Variants in ITPR3 observed in about 807,000 individuals in gnomAD.
ITPR3 encodes the protein inositol 1,4,5-trisphosphate-gated calcium channel ITPR3.
A neutral mutation model predicts 293.2 loss-of-function variants in ITPR3; 173 were observed. The observed-to-expected ratio is 0.59, with a 90% CI of 0.52 to 0.67. The LOEUF (loss-of-function observed/expected upper bound fraction) is 0.67, where lower values mean the gene tolerates loss of function less well. ITPR3 is among the 30% of genes least tolerant of loss of function. ITPR3 has a pLI of 0.00. For missense variants in ITPR3, 2,796 were observed against 3,592.1 expected, an observed-to-expected ratio of 0.78 and a Z score of 5.66; for synonymous variants, 1,295 against 1,444.4, an observed-to-expected ratio of 0.90 and a Z score of 2.35.
rs1561882691 is a variant in ITPR3, at chr6:33,689,361, T to TCTA, written c.6822_6824dup (p.Tyr2275dup). 1 of 1,612,258 alleles carries TCTA rather than the reference T, an allele frequency of 6.2e-7. No individual in the cohort carries two copies. The highest frequency in any genetic ancestry group is 8.5e-7 in the Non-Finnish European group (1 of 1,180,028). On this transcript the variant is annotated inframe_insertion, in exon 50 of 58. Transcript: ENST00000605930. ...ATCGTGGCGCTCATCCTGCGCTCCA[T>TCTA]CTACTATCTGGGCATCGGGCCCACA...
chr6:33,663,991 C>T lies in ITPR3; in HGVS notation c.1148+111C>T, dbSNP rs1049665444. 29 of 1,340,394 alleles carry T rather than the reference C, an allele frequency of 2.2e-5. No homozygotes were observed. In the South Asian group the frequency reaches 3.5e-4, roughly 16 times the overall value. 83.0% of individuals were successfully genotyped at this position (1,340,394 alleles called of 1,614,324 possible). A position where few individuals can be genotyped will look rare whatever the true frequency, so the allele number is the denominator to read the frequency against. On this transcript the variant is annotated intron_variant, in intron 11 of 57. Coordinates refer to ENST00000605930, the MANE Select transcript of ITPR3 (RefSeq NM_002224.4). ...CCTCCGCCCTCCTGCGGTCCTTTAG[C>T]CTCTGGGGTCTCTGTAGGTCCCATC...
intron 1 of ITPR3, among the ~76,000 whole-genome samples, chr6:33,630,746 A>G (rs1423782866): frequency 6.6e-6 from 1 of 152,068 alleles, no homozygotes; most frequent in African/African-American, 2.4e-5. Context: ...CTTCCTGGAG[A>G]GACTATTTGG....
chr6:33,668,007 C>T, intron 16 of ITPR3, 43 bp downstream of exon 16: 1 of 1,602,488 alleles, frequency 6.2e-7, no homozygotes, highest in Non-Finnish European at 8.5e-7. Context: ...GCTCCTCCCT[C>T]CTCCCTTGCC....
At chr6:33,681,487 G>A (rs185859120) in intron 33 of ITPR3, among the ~76,000 whole-genome samples, 2 of 152,312 alleles carry the variant, frequency 1.3e-5, no homozygotes, top group Admixed American at 6.5e-5. Context: ...TTTGAATCTC[G>A]AAAGATTCAT....
chr6:33,631,608 A>C (rs1004662606), intron 1 of ITPR3, among the ~76,000 whole-genome samples: 1 of 152,204 alleles, frequency 6.6e-6, no homozygotes, highest in Non-Finnish European at 1.5e-5. Context: ...AAGGAGTGGG[A>C]CCATTGAAGC....
Position 33,671,194 on chromosome 6 carries a change from C to T in ITPR3, c.2616C>T (p.Tyr872=), listed in dbSNP as rs1163222308. Residue 872 remains tyrosine (Y), a synonymous_variant, in exon 21 of 58, where the codon TAC becomes TAT. Transcript: ENST00000605930. ...TCAGCCTGGCGCACAATCTCATCTA[C>T]TTCGGCTTCTACAGCTTCAGCGAGC... ...EVVSLAHNLI[Y]FGFYSFSELL... 6.2e-7 allele frequency: 1 copy of T among 1,613,806 alleles called. No homozygotes were observed. The highest frequency in any genetic ancestry group is 8.5e-7 in the Non-Finnish European group (1 of 1,179,956).
Position 33,687,542 on chromosome 6 carries a change from A to C in ITPR3, c.6242A>C (p.Glu2081Ala), listed in dbSNP as rs140217812. Residue 2081 changes from glutamate (E) to alanine (A), a missense_variant, in exon 46 of 58, where the codon GAG becomes GCG. Coordinates refer to ENST00000605930, the MANE Select transcript of ITPR3 (RefSeq NM_002224.4). This position sits in a 1 kb window ranked among gnomAD's most constrained non-coding sequence, Gnocchi z 5.3. ...CCGGTGAAGCGCATTCAAGAGGAGGAGGCCGAGGGTATCTCTTCCATGGTG... is the reference window on the plus strand; with the variant it reads ...CCGGTGAAGCGCATTCAAGAGGAGGCGGCCGAGGGTATCTCTTCCATGGTG... The part of the protein sequence containing the change: ...LKPVKRIQEE[E>A]AEGISSMLSL... 134 of 1,602,290 alleles carry C rather than the reference A, an allele frequency of 8.4e-5. No homozygotes were observed. The highest frequency in any genetic ancestry group is 1.8e-4 in the Middle Eastern group (1 of 5,696).
In ITPR3 at chr6:33,688,239, A is replaced by G. The variant is rs1030258873; in HGVS notation, c.6376A>G (p.Ile2126Val). ...GTGACCATGTGCTGTGTGTGCTCAG[A>G]TTGTGCGGCAGGACCGCAGCATGGA... ...YYENHTSQIEIVRQDRSMEQI... is the reference protein window; with the variant it reads ...YYENHTSQIEVVRQDRSMEQI... The change falls in exon 48 of 58, where the codon ATT (isoleucine) becomes GTT (valine). Residue 2126 changes from isoleucine to valine, a missense_variant and splice_region_variant. By Grantham distance (29) the Ile-to-Val change is conservative (BLOSUM62 3). This residue lies in a region of ITPR3 where 568 missense variants were observed against 796.1 expected (regional missense o/e 0.71). Coordinates refer to ENST00000605930, the MANE Select transcript of ITPR3 (RefSeq NM_002224.4). The G allele has an allele frequency of 1.9e-6, 3 of 1,614,182 alleles. No individual in the cohort carries two copies. Among genetic ancestry groups the G allele is most frequent in the Admixed American group, 1.7e-5 (1 of 60,028 alleles).
At chr6:33,623,674 TTGTGCAGG>T (rs1561845904) in intron 1 of ITPR3, among the ~76,000 whole-genome samples, 1 of 152,164 alleles carries the variant, frequency 6.6e-6, no homozygotes, top group African/African-American at 2.4e-5. Flanking sequence ...TCCCCTGCCC[TTGTGCAGG>T]CCTCACTCCC....
intron 1 of ITPR3, among the ~76,000 whole-genome samples, chr6:33,635,762 A>G (rs1423394729): frequency 6.6e-6 from 1 of 151,388 alleles, no homozygotes; most frequent in Non-Finnish European, 1.5e-5. Context: ...GGTTCTGGGC[A>G]GAGGAAGGAG....
At position 33,640,552 on chromosome 6, in the gene ITPR3, G is replaced by A. The variant is rs767208304; in HGVS notation, c.158G>A (p.Arg53His). The A allele has an allele frequency of 7.4e-6, 12 of 1,612,126 alleles. No individual in the cohort carries two copies. The highest frequency in any genetic ancestry group is 5.0e-5 in the Admixed American group (3 of 59,726). Residue 53 changes from arginine to histidine, a missense_variant and splice_region_variant, in exon 2 of 58, where the codon CGT (arginine) becomes CAT (histidine). Physicochemically the swap from Arg to His is conservative, Grantham distance 29. Transcript: ENST00000605930. ...GDLDNPPKKF[R>H]DCLFKVCPMN... The stretch of plus-strand genomic sequence containing the variant: ...CTGGACAACCCCCCTAAGAAGTTCC[G>A]TGGTAAGACCTCCGCTTCCTCTGCC...
rs1449725258 is a variant in ITPR3, at chr6:33,678,532, C to G, written c.3760C>G (p.Leu1254Val). The change falls in exon 29 of 58, where the codon CTC becomes GTC. Residue 1254 changes from leucine (L) to valine (V), a missense_variant. By Grantham distance (32) the Leu-to-Val change is conservative. Coordinates refer to ENST00000605930, the MANE Select transcript of ITPR3 (RefSeq NM_002224.4). ...GCTGCACAAACACCTGCACCTCTTC[C>G]TCACGCCAGGGGTGAGGGTGCAGGG... ...ALLHKHLHLF[L>V]TPGLLEAETM... 1.2e-6 allele frequency: 2 copies of G among 1,612,350 alleles called. No individual in the cohort carries two copies. Among genetic ancestry groups the G allele is most frequent in the Non-Finnish European group, 1.7e-6 (2 of 1,179,626 alleles).
rs1046110020 is a variant in ITPR3 at position 33,632,275 on chromosome 6, C to T, written c.90-8209C>T. 5.9e-5 allele frequency among the ~76,000 whole-genome samples: 9 copies of T among 152,158 alleles called. No individual in the cohort carries two copies. The highest frequency in any genetic ancestry group is 9.7e-5 in the African/African-American group (4 of 41,432). ...GTTCAGGGTCCCTCGGGGATTTCCC[C>T]AGTCTGTCATTCCCCCAGTCTGTCA... On this transcript the variant is annotated intron_variant, in intron 1 of 57. Transcript: ENST00000605930. The surrounding 1 kb of genome is among the most constrained non-coding windows in gnomAD (Gnocchi z 4.1).
chr6:33,676,176 G>A (rs997138668), intron 25 of ITPR3, among the ~76,000 whole-genome samples: 5 of 152,242 alleles, frequency 3.3e-5, no homozygotes, highest in Non-Finnish European at 5.9e-5. Flanking sequence ...ACGCAGTCCC[G>A]ACAGCTCCCT....
intron 1 of ITPR3, among the ~76,000 whole-genome samples, chr6:33,636,176 C>A (rs1187863240): frequency 6.7e-6 from 1 of 150,308 alleles, no homozygotes; most frequent in African/African-American, 2.5e-5. Flanking sequence ...GTGGCAGGCA[C>A]CTGTAATCCC....
At position 33,658,738 on chromosome 6, in the gene ITPR3, CGCCATGCG is replaced by C. The variant is rs1764376659; in HGVS notation, c.440_447del (p.Ala147GlyfsTer106). Reference sequence around the variant, plus strand: ...GGCTTCCGGCCTTGCTGGAGAAGAACGCCATGCGGGTGACTCTGGATGCCACAGGCAAC... The same window carrying C: ...GGCTTCCGGCCTTGCTGGAGAAGAACGGTGACTCTGGATGCCACAGGCAAC... On this transcript the variant is annotated frameshift_variant, in exon 5 of 58. Coordinates refer to ENST00000605930, the MANE Select transcript of ITPR3 (RefSeq NM_002224.4). LOFTEE classifies it high-confidence loss of function. The surrounding 1 kb of genome is among the most constrained non-coding windows in gnomAD (Gnocchi z 6.1). 3 of 1,614,198 alleles carry C rather than the reference CGCCATGCG, an allele frequency of 1.9e-6. No individual in the cohort carries two copies. The East Asian group carries it at 6.7e-5, about 36-fold the overall frequency.
Position 33,675,926 on chromosome 6 carries a change from G to C in ITPR3, c.3282+70G>C. 1 of 1,448,880 alleles carries C rather than the reference G, an allele frequency of 6.9e-7. No homozygotes were observed. The highest frequency in any genetic ancestry group is 9.2e-7 in the Non-Finnish European group (1 of 1,091,964). 89.8% of individuals were successfully genotyped at this position (1,448,880 alleles called of 1,614,324 possible). A position where few individuals can be genotyped will look rare whatever the true frequency, so the allele number is the denominator to read the frequency against. On this transcript the variant is annotated intron_variant, in intron 25 of 57. Coordinates refer to ENST00000605930, the MANE Select transcript of ITPR3 (RefSeq NM_002224.4). The surrounding 1 kb of genome is among the most constrained non-coding windows in gnomAD (Gnocchi z 5.0). Reference sequence around the variant, plus strand: ...CAGGCACGGGGGGACAGTAAACGATGATTGAGGAGCTCACAGCTCAAGGGG... The same window carrying C: ...CAGGCACGGGGGGACAGTAAACGATCATTGAGGAGCTCACAGCTCAAGGGG...
chr6:33,621,748 G>T lies in ITPR3; in HGVS notation c.89+57G>T. 2 of 1,353,274 alleles carry T rather than the reference G, an allele frequency of 1.5e-6. No homozygotes were observed. Among genetic ancestry groups the T allele is most frequent in the Non-Finnish European group, 2.1e-6 (2 of 966,942 alleles). 83.8% of individuals were successfully genotyped at this position (1,353,274 alleles called of 1,614,324 possible). A position where few individuals can be genotyped will look rare whatever the true frequency, so the allele number is the denominator to read the frequency against. On this transcript the variant is annotated intron_variant, in intron 1 of 57. Coordinates refer to ENST00000605930, the MANE Select transcript of ITPR3 (RefSeq NM_002224.4). The surrounding 1 kb of genome is among the most constrained non-coding windows in gnomAD (Gnocchi z 7.7). Reference sequence around the variant, plus strand: ...TAAAGAGGGGGCGCCGTGGGCCCTGGTGCCAGCTGCGTGCGTCCAGCCGCC... The same window carrying T: ...TAAAGAGGGGGCGCCGTGGGCCCTGTTGCCAGCTGCGTGCGTCCAGCCGCC...
chr6:33,691,575 G>C lies in ITPR3; in HGVS notation c.7226-40G>C. 6.5e-7 allele frequency: 1 copy of C among 1,549,354 alleles called. No individual in the cohort carries two copies. Among genetic ancestry groups the C allele is most frequent in the Non-Finnish European group, 8.9e-7 (1 of 1,123,202 alleles). ...GGACAGAGCCAGGGGATAAGGCCAG[G>C]CACTGGACCTCCTGATGATCTCATC... On this transcript the variant is annotated intron_variant, in intron 52 of 57. Transcript: ENST00000605930. The surrounding 1 kb of genome is among the most constrained non-coding windows in gnomAD (Gnocchi z 4.9).
Sources: gnomAD v4.1 joint callset for allele counts (sites outside exome capture counted in the v4.1 genomes callset) on GRCh38, gnomAD v4.1.1 for gene constraint, gnomAD v4.1.1 regional missense constraint, Gnocchi (gnomAD v3.1) non-coding constraint, MANE v1.5 for transcripts, NCBI Gene and HGNC (gene_info 2026-07-23, HGNC 2026-07-21) for gene names.